Variants in PCDHGA3 observed in about 807,000 individuals in gnomAD.
PCDHGA3 encodes the protein protocadherin gamma-A3.
A neutral mutation model predicts 58.5 loss-of-function variants in PCDHGA3; 40 were observed. The ratio of observed to expected loss-of-function variants is 0.68; its 90% CI spans 0.53 to 0.89. PCDHGA3 has a LOEUF of 0.89. Among genes scored for constraint, PCDHGA3 ranks in the 40% least tolerant of loss-of-function variants. The probability of loss-of-function intolerance (pLI) is 0.00; values close to 1 mark genes in which losing one functional copy is unlikely to be tolerated. For missense variants in PCDHGA3, 1,223 were observed against 1,195.9 expected (o/e 1.02, Z -0.33); for synonymous variants, 530 against 525.7 (o/e 1.01, Z -0.11).
At chr5:141,408,378 TG>T (rs780092463) in intron 1 of PCDHGA3, 2 of 1,614,002 alleles carry the variant, frequency 1.2e-6, no homozygotes, top group Admixed American at 1.7e-5. Flanking sequence ...CTCAGTGTCC[TG>T]GATGTGTCGG....
At position 141,355,934 on chromosome 5, in the gene PCDHGA3, C is replaced by T. The variant is rs757693258; in HGVS notation, c.2424+9477C>T. The T allele has an allele frequency of 1.9e-6, 3 of 1,613,710 alleles. No individual in the cohort carries two copies. In the East Asian group the frequency reaches 6.7e-5, roughly 36 times the overall value. On this transcript the variant is annotated intron_variant, in intron 1 of 3. Transcript: ENST00000253812. Reference sequence around the variant, plus strand: ...GATAATGCTCCCGTGTTCACTCAGCCCGAGTACCACGTAAGTGTTCGTGAG... The same window carrying T: ...GATAATGCTCCCGTGTTCACTCAGCTCGAGTACCACGTAAGTGTTCGTGAG...
intron 1 of PCDHGA3, chr5:141,408,083 C>G (rs1045548793): frequency 3.5e-6 from 5 of 1,414,460 alleles, no homozygotes; most frequent in Non-Finnish European, 4.7e-6. Context: ...CCCAGCACAG[C>G]GGATTGCCAG....
rs752595373 is a variant in PCDHGA3 at position 141,357,407 on chromosome 5, C to G, written c.2424+10950C>G. On this transcript the variant is annotated intron_variant, in intron 1 of 3. Transcript: ENST00000253812. ...GAAGGCAGCAGGTTGGCAGGTGTGC[C>G]TGCCTCGCACTTTGTGGGCGTGGAC... is the stretch of plus-strand genomic sequence containing the variant. 5.0e-6 allele frequency: 8 copies of G among 1,614,246 alleles called. No individual in the cohort carries two copies. The East Asian group carries it at 1.8e-4, about 36-fold the overall frequency.
At chr5:141,383,976 C>G in intron 1 of PCDHGA3, 1 of 1,613,760 alleles carries the variant, frequency 6.2e-7, no homozygotes, top group Non-Finnish European at 8.5e-7. Flanking sequence ...TCCCTGAAGA[C>G]ACACCTCTTG....
chr5:141,393,481 C>T, intron 1 of PCDHGA3: 1 of 1,614,066 alleles, frequency 6.2e-7, no homozygotes. Context: ...CCGCCTCGCT[C>T]TAGCACAGTG....
At chr5:141,355,510 A>G (rs773476205) in intron 1 of PCDHGA3, 1 of 1,614,082 alleles carries the variant, frequency 6.2e-7, no homozygotes, top group Non-Finnish European at 8.5e-7. Context: ...AAACTGTGTG[A>G]CAAACCTGGA....
Position 141,431,755 on chromosome 5 carries a change from AGTCCT to A in PCDHGA3, c.2425-63050_2425-63046del. On this transcript the variant is annotated intron_variant, in intron 1 of 3. Coordinates refer to ENST00000253812, the MANE Select transcript of PCDHGA3 (RefSeq NM_018916.4). This position sits in a 1 kb window ranked among gnomAD's most constrained non-coding sequence, Gnocchi z 4.8. ...ATGCAGGATATTCTGCGCGAGCCAA[AGTCCT>A]GATCACTGTTCTGGACGTGAACGAC... 6.2e-7 allele frequency: 1 copy of A among 1,614,238 alleles called. No individual in the cohort carries two copies. Among genetic ancestry groups the A allele is most frequent in the Non-Finnish European group, 8.5e-7 (1 of 1,180,048 alleles).
At chr5:141,429,240 TGA>T (rs998506084) in intron 1 of PCDHGA3, 1 of 151,858 alleles carries the variant, frequency 6.6e-6, no homozygotes, top group Non-Finnish European at 1.5e-5. Context: ...CTGCTGTCAT[TGA>T]GATATTTTAA....
chr5:141,421,854 C>CCTG (rs761444125), intron 1 of PCDHGA3: 2 of 1,613,762 alleles, frequency 1.2e-6, no homozygotes, highest in Non-Finnish European at 1.7e-6. Flanking sequence ...AGGCTGCTCA[C>CCTG]CTGCTCCTCC....
In PCDHGA3 at chr5:141,345,834, A is replaced by G; in HGVS notation, c.1801A>G (p.Asn601Asp). ...GGCGGTGGACAGAGACTCGGGCCAG[A>G]ACGCCTGGCTGTCCTACCGCCTGCT... The part of the protein sequence containing the change: ...VVAVDRDSGQ[N>D]AWLSYRLLKA... The change falls in exon 1 of 4, where the codon AAC becomes GAC. Residue 601 changes from asparagine to aspartate, a missense_variant. Transcript: ENST00000253812. 6.2e-7 allele frequency: 1 copy of G among 1,613,046 alleles called. No individual in the cohort carries two copies. Among genetic ancestry groups the G allele is most frequent in the Middle Eastern group, 1.7e-4 (1 of 5,750 alleles).
chr5:141,371,233 C>T lies in PCDHGA3; in HGVS notation c.2424+24776C>T, dbSNP rs773899616. 4 of 1,613,864 alleles carry T rather than the reference C, an allele frequency of 2.5e-6. No individual in the cohort carries two copies. The Admixed American group carries it at 5.0e-5, about 20-fold the overall frequency. ...GGCATCAATGCCGAAATCATCTATG[C>T]CTTCATCAATATTGGCAAGGAAGTG... On this transcript the variant is annotated intron_variant, in intron 1 of 3. Transcript: ENST00000253812.
At chr5:141,458,509 CTTTG>C (rs1327998402) in intron 1 of PCDHGA3, among the ~76,000 whole-genome samples, 2 of 149,986 alleles carry the variant, frequency 1.3e-5, no homozygotes. Context: ...CTGTTTGACA[CTTTG>C]TTTTTTTTTT....
intron 1 of PCDHGA3, chr5:141,351,522 C>T (rs773991273): frequency 4.3e-6 from 7 of 1,614,018 alleles, no homozygotes; most frequent in Non-Finnish European, 5.9e-6. Flanking sequence ...ATCATAGCCA[C>T]CGACAAGGGC....
chr5:141,370,453 T>A lies in PCDHGA3; in HGVS notation c.2424+23996T>A, dbSNP rs6860590. ...GGGCAGAGGCGAATGCTATTTCTCT[T>A]CCTGCTCTCTTTGTTAGACCAGGCT... On this transcript the variant is annotated intron_variant, in intron 1 of 3. Transcript: ENST00000253812. 2,396 of 1,611,648 alleles carry A rather than the reference T, an allele frequency of 1.5e-3. 32 individuals are homozygous for A. In the African/African-American group the frequency reaches 0.028, roughly 19 times the overall value.
At chr5:141,406,273 G>A (rs1366399912) in intron 1 of PCDHGA3, among the ~76,000 whole-genome samples, 2 of 151,898 alleles carry the variant, frequency 1.3e-5, no homozygotes, top group Non-Finnish European at 2.9e-5. Context: ...TCCTGCTTCA[G>A]TTTCCCAAAG....
chr5:141,429,751 A>AT (rs2097241304), intron 1 of PCDHGA3, among the ~76,000 whole-genome samples: 1 of 152,110 alleles, frequency 6.6e-6, no homozygotes, highest in African/African-American at 2.4e-5. Flanking sequence ...CTTAGGGAGA[A>AT]TTTTTTCCCT....
chr5:141,426,978 G>A (rs1383521288), intron 1 of PCDHGA3: 1 of 456,770 alleles, frequency 2.2e-6, no homozygotes, highest in Non-Finnish European at 4.4e-6. Flanking sequence ...TGAGGTCACT[G>A]ATGCCAACGA....
intron 1 of PCDHGA3, chr5:141,365,006 A>ACG: frequency 4.3e-6 from 7 of 1,613,882 alleles, no homozygotes; most frequent in Non-Finnish European, 5.9e-6. Flanking sequence ...CTCCGGCACC[A>ACG]CGCACATCCG....
chr5:141,487,884 A>G lies in PCDHGA3; in HGVS notation c.2425-6923A>G. 1.3e-6 allele frequency: 1 copy of G among 766,716 alleles called. No homozygotes were observed. Among genetic ancestry groups the G allele is most frequent in the Non-Finnish European group, 2.1e-6 (1 of 481,170 alleles). 47.5% of individuals were successfully genotyped at this position (766,716 alleles called of 1,614,324 possible). On this transcript the variant is annotated intron_variant, in intron 1 of 3. Transcript: ENST00000253812. The surrounding 1 kb of genome is among the most constrained non-coding windows in gnomAD (Gnocchi z 5.0). ...GTGATCAAGAGCCAGGCTGTTGTGG[A>G]AGCATGATGATGGAATGTGGGAGCA...
Sources: gnomAD v4.1 joint callset for allele counts (sites outside exome capture counted in the v4.1 genomes callset) on GRCh38, gnomAD v4.1.1 for gene constraint, Gnocchi (gnomAD v3.1) non-coding constraint, MANE v1.5 for transcripts, NCBI Gene and HGNC (gene_info 2026-07-23, HGNC 2026-07-21) for gene names.